LRRC75A: variants seen among roughly 807,000 people sequenced by gnomAD.
LRRC75A encodes leucine rich repeat containing 75A.
In LRRC75A, 12 loss-of-function variants were observed where a neutral mutation model predicts 26.0. The ratio of observed to expected loss-of-function variants is 0.46; its 90% CI spans 0.30 to 0.75. The LOEUF (loss-of-function observed/expected upper bound fraction) is 0.75. Among genes scored for constraint, LRRC75A ranks in the 30% least tolerant of loss-of-function variants. The probability of loss-of-function intolerance (pLI) is 0.08; values close to 1 mark genes in which losing one functional copy is unlikely to be tolerated. For missense variants in LRRC75A, 410 were observed against 486.6 expected (o/e 0.84, Z 1.48); for synonymous variants, 223 against 219.3 (o/e 1.02, Z -0.15).
At chr17:16,486,096 G>C (rs1298170420) in intron 1 of LRRC75A, among the ~76,000 whole-genome samples, 1 of 152,202 alleles carries the variant, frequency 6.6e-6, no homozygotes, top group Non-Finnish European at 1.5e-5. Flanking sequence ...AATCCATTCT[G>C]TAAGAATTTC....
rs1208501644 is a variant in LRRC75A, at chr17:16,491,292, T to C, written c.246+453A>G. 1.3e-5 allele frequency among the ~76,000 whole-genome samples: 2 copies of C among 152,196 alleles called. No individual in the cohort carries two copies. Among genetic ancestry groups the C allele is most frequent in the Non-Finnish European group, 2.9e-5 (2 of 68,042 alleles). ...TGGAATCTCATTGGCCCCAGGGCTG[T>C]GCCCCTGGACTCGCTCTCGGGAAGC... On this transcript the variant is annotated intron_variant, in intron 1 of 3. Coordinates refer to ENST00000470794, the MANE Select transcript of LRRC75A (RefSeq NM_001113567.3). This position sits in a 1 kb window ranked among gnomAD's most constrained non-coding sequence, Gnocchi z 5.9.
chr17:16,472,340 A>G (rs555853521), intron 1 of LRRC75A, among the ~76,000 whole-genome samples: 1 of 152,264 alleles, frequency 6.6e-6, no homozygotes, highest in African/African-American at 2.4e-5. Context: ...AGAAAAAAAA[A>G]GCAACAAAAA....
At chr17:16,463,105 G>A (rs1035181821) in intron 1 of LRRC75A, 8 of 152,298 alleles carry the variant, frequency 5.3e-5, no homozygotes, top group African/African-American at 1.9e-4. Context: ...ATGGTACCCT[G>A]GCATCTGAGG....
chr17:16,470,206 C>T (rs1390424882), intron 1 of LRRC75A: 1 of 151,970 alleles, frequency 6.6e-6, no homozygotes. Context: ...TATTTTAAAC[C>T]TCAACTCCCC....
intron 1 of LRRC75A, among the ~76,000 whole-genome samples, chr17:16,483,197 T>C (rs2093838606): frequency 6.6e-6 from 1 of 152,194 alleles, no homozygotes. Context: ...CCCAGTGCTC[T>C]GAGATGAATG....
In LRRC75A at chr17:16,491,884, C is replaced by T. The variant is rs2093858309; in HGVS notation, c.107G>A (p.Arg36His). Residue 36 changes from arginine (R) to histidine (H), a missense_variant, in exon 1 of 4, where the codon CGC (arginine) becomes CAC (histidine). Transcript: ENST00000470794. This position sits in a 1 kb window ranked among gnomAD's most constrained non-coding sequence, Gnocchi z 5.9. Reference protein sequence around the residue: ...RPDFWASLLLRAGDKAGRAGA... With the variant: ...RPDFWASLLLHAGDKAGRAGA... ...CGCGCGCCCCGCCTTGTCCCCGGCG[C>T]GCAGCAGCAGCGACGCCCAGAAGTC... 2.2e-6 allele frequency: 3 copies of T among 1,359,142 alleles called. No homozygotes were observed. The highest frequency in any genetic ancestry group is 3.0e-5 in the Admixed American group (1 of 33,512). 84.2% of individuals were successfully genotyped at this position (1,359,142 alleles called of 1,614,324 possible). A position where few individuals can be genotyped will look rare whatever the true frequency, so the allele number is the denominator to read the frequency against.
At chr17:16,486,682 G>A (rs576835748) in intron 1 of LRRC75A, among the ~76,000 whole-genome samples, 53 of 152,318 alleles carry the variant, frequency 3.5e-4, no homozygotes, top group African/African-American at 1.1e-3. Context: ...ATGGGATCCC[G>A]TAGTGCCACA....
intron 1 of LRRC75A, among the ~76,000 whole-genome samples, chr17:16,474,923 G>A (rs2093816104): frequency 1.3e-5 from 2 of 151,568 alleles, no homozygotes; most frequent in Admixed American, 1.3e-4. Flanking sequence ...AACCCAGGAG[G>A]CGGAGCTTGC....
intron 1 of LRRC75A, among the ~76,000 whole-genome samples, chr17:16,479,858 A>C (rs1439131194): frequency 1.3e-5 from 2 of 152,202 alleles, no homozygotes; most frequent in Non-Finnish European, 2.9e-5. Flanking sequence ...ACTGTTGAAA[A>C]AGTGTCATTT....
intron 2 of LRRC75A, among the ~76,000 whole-genome samples, chr17:16,449,356 C>A (rs961135855): frequency 2.0e-5 from 3 of 152,180 alleles, no homozygotes; most frequent in African/African-American, 7.2e-5. Flanking sequence ...TTCTGTGTGG[C>A]CTTGGACAAT....
rs934007283 is a variant in LRRC75A at position 16,443,526 on chromosome 17, C to T, written c.*62G>A. The T allele has an allele frequency of 5.3e-5, 75 of 1,410,546 alleles. No homozygotes were observed. The highest frequency in any genetic ancestry group is 2.5e-4 in the Middle Eastern group (1 of 4,080). The allele number at this position is 1,410,546 out of a possible 1,614,324, so 87.4% of individuals were successfully genotyped here. A position where few individuals can be genotyped will look rare whatever the true frequency, so the allele number is the denominator to read the frequency against. Reference sequence around the variant, plus strand: ...CCCACCTGATAGGAGAAGCGCCCTCCCCTGCCTGCCTTGCCCATTCTACCC... The same window carrying T: ...CCCACCTGATAGGAGAAGCGCCCTCTCCTGCCTGCCTTGCCCATTCTACCC... On this transcript the variant is annotated 3_prime_UTR_variant, in exon 4 of 4. Coordinates refer to ENST00000470794, the MANE Select transcript of LRRC75A (RefSeq NM_001113567.3).
chr17:16,459,087 C>A (rs1568965321), intron 2 of LRRC75A, among the ~76,000 whole-genome samples: 1 of 152,210 alleles, frequency 6.6e-6, no homozygotes, highest in Non-Finnish European at 1.5e-5. Context: ...ATCCTGTCCT[C>A]AACCCTTTAC....
chr17:16,485,941 C>T (rs2093846229), intron 1 of LRRC75A, among the ~76,000 whole-genome samples: 1 of 152,092 alleles, frequency 6.6e-6, no homozygotes. Context: ...GGCTTCCACC[C>T]CACAGGTTAC....
intron 2 of LRRC75A, among the ~76,000 whole-genome samples, chr17:16,459,521 G>A (rs1273161284): frequency 2.6e-5 from 4 of 152,334 alleles, no homozygotes; most frequent in African/African-American, 9.6e-5. Flanking sequence ...TCGCAGGGTG[G>A]CAAGTGGGAG....
At chr17:16,469,045 A>G (rs2093790659) in intron 1 of LRRC75A, among the ~76,000 whole-genome samples, 1 of 152,052 alleles carries the variant, frequency 6.6e-6, no homozygotes, top group Admixed American at 6.5e-5. Context: ...ACTTTCAGGT[A>G]TTGGTCTGCA....
intron 2 of LRRC75A, among the ~76,000 whole-genome samples, chr17:16,451,188 A>G (rs1194219051): frequency 1.3e-5 from 2 of 152,164 alleles, no homozygotes; most frequent in Non-Finnish European, 2.9e-5. Flanking sequence ...CAGCAGGAGT[A>G]GTGGAGTCTG....
chr17:16,459,060 C>T (rs1025919326), intron 2 of LRRC75A, among the ~76,000 whole-genome samples: 2 of 152,136 alleles, frequency 1.3e-5, no homozygotes, highest in Non-Finnish European at 1.5e-5. Flanking sequence ...TCTCAATGTC[C>T]CCTGTTGACT....
intron 1 of LRRC75A, among the ~76,000 whole-genome samples, chr17:16,487,663 G>A (rs1403263573): frequency 6.6e-6 from 1 of 152,218 alleles, no homozygotes; most frequent in African/African-American, 2.4e-5. Flanking sequence ...TTGAACTGGT[G>A]AGCTCAAGTC....
intron 1 of LRRC75A, among the ~76,000 whole-genome samples, chr17:16,490,030 C>A (rs1027174927): frequency 1.3e-5 from 2 of 152,218 alleles, no homozygotes; most frequent in African/African-American, 4.8e-5. Context: ...AGCTCAGTGT[C>A]CCCAGGATGT....
Sources: allele counts gnomAD v4.1 joint callset (sites outside exome capture counted in the v4.1 genomes callset), GRCh38; gene constraint gnomAD v4.1.1; non-coding constraint Gnocchi (gnomAD v3.1); transcripts MANE v1.5; gene names NCBI Gene and HGNC (gene_info 2026-07-23, HGNC 2026-07-21).